RNF145: variants seen among roughly 807,000 people sequenced by gnomAD.
RNF145 encodes ring finger protein 145.
Under a neutral mutation model 57.3 loss-of-function variants are expected in RNF145, and 12 were observed. The observed-to-expected ratio is 0.21, with a 90% CI of 0.13 to 0.34. RNF145 has a LOEUF of 0.34. Among genes scored for constraint, RNF145 ranks in the 10% least tolerant of loss-of-function variants. The pLI is 1.00. For synonymous variants in RNF145, 262 were observed against 288.3 expected (o/e 0.91, Z 0.92); for missense variants, 429 against 799.0 (o/e 0.54, Z 5.58).
intron 8 of RNF145, among the ~76,000 whole-genome samples, chr5:159,166,960 A>AAAAT (rs57272070): frequency 0.018 from 2,700 of 152,054 alleles, 52 homozygotes; most frequent in East Asian, 0.06. Flanking sequence ...TCCATCTCTA[A>AAAAT]AAATAAATAA....
At position 159,161,307 on chromosome 5, in the gene RNF145, G is replaced by C. The variant is rs1401201649; in HGVS notation, c.1585C>G (p.Gln529Glu). 3.7e-6 allele frequency: 6 copies of C among 1,613,174 alleles called. No individual in the cohort carries two copies. Among genetic ancestry groups the C allele is most frequent in the Non-Finnish European group, 5.1e-6 (6 of 1,179,398 alleles). ...IKSLPIATKE[Q>E]LEKHNDICAI... The stretch of plus-strand genomic sequence containing the variant: ...CAAATATCATTGTGTTTCTCAAGCT[G>C]CTCTTTCGTAGCAATGGGTAACGAT... Residue 529 changes from glutamine to glutamate, a missense_variant, in exon 10 of 11, where the codon CAG becomes GAG. Coordinates refer to ENST00000424310, the MANE Select transcript of RNF145 (RefSeq NM_001199383.2).
At chr5:159,188,248 A>T (rs764960647) in intron 3 of RNF145, among the ~76,000 whole-genome samples, 2 of 152,002 alleles carry the variant, frequency 1.3e-5, no homozygotes, top group Admixed American at 6.6e-5. Context: ...TTAGCTGGGC[A>T]TGGTGGCAGG....
chr5:159,163,611 T>C (rs901332153), intron 8 of RNF145, among the ~76,000 whole-genome samples: 6 of 152,204 alleles, frequency 3.9e-5, no homozygotes, highest in Non-Finnish European at 8.8e-5. Flanking sequence ...AGCAACTGTA[T>C]TGTAAGATCT....
intron 3 of RNF145, among the ~76,000 whole-genome samples, chr5:159,189,867 A>G (rs1350728443): frequency 6.6e-6 from 1 of 152,248 alleles, no homozygotes; most frequent in Non-Finnish European, 1.5e-5. Flanking sequence ...CAATAAAAAA[A>G]GACAGGTGAT....
intron 3 of RNF145, among the ~76,000 whole-genome samples, chr5:159,190,016 G>A (rs1436626957): frequency 6.6e-6 from 1 of 152,146 alleles, no homozygotes; most frequent in Non-Finnish European, 1.5e-5. Context: ...CTCTGTGAAT[G>A]TACTACAAAC....
chr5:159,173,245 GT>G (rs999389193), intron 6 of RNF145, among the ~76,000 whole-genome samples: 3 of 151,182 alleles, frequency 2.0e-5, no homozygotes, highest in African/African-American at 4.9e-5. Context: ...TTTTTTGCAA[GT>G]TTTTTTTTAA....
chr5:159,169,798 A>G lies in RNF145; in HGVS notation c.819T>C (p.Thr273=). 1 of 1,610,682 alleles carries G rather than the reference A, an allele frequency of 6.2e-7. No individual in the cohort carries two copies. The highest frequency in any genetic ancestry group is 2.2e-5 in the East Asian group (1 of 44,708). Residue 273 remains threonine (T), a synonymous_variant, in exon 7 of 11, where the codon ACT becomes ACC. Transcript: ENST00000424310. ...FLTSIAECCS[T]PYSLLGLVFT... is the part of the protein sequence containing the mutation. ...AGACCAAACCCAAAAGAGAGTAAGG[A>G]GTGCTGCAGCATTCCGCAATACTGG...
At chr5:159,200,225 A>T (rs1785615381) in intron 2 of RNF145, among the ~76,000 whole-genome samples, 1 of 152,136 alleles carries the variant, frequency 6.6e-6, no homozygotes. Context: ...ATTTTGAGAC[A>T]ATTCTTAAAT....
intron 4 of RNF145, among the ~76,000 whole-genome samples, 160 bp downstream of exon 4, chr5:159,181,800 T>TA (rs1258781642): frequency 0.017 from 2,469 of 142,638 alleles, 44 homozygotes; most frequent in African/African-American, 0.05. Flanking sequence ...AAAGAAGACT[T>TA]AAAAAAAAAA....
chr5:159,177,386 A>C (rs1306430332), intron 4 of RNF145, among the ~76,000 whole-genome samples: 1 of 152,070 alleles, frequency 6.6e-6, no homozygotes, highest in Non-Finnish European at 1.5e-5. Context: ...ATAAGTTAAA[A>C]CTAAAAACTA....
intron 1 of RNF145, among the ~76,000 whole-genome samples, chr5:159,206,732 G>A (rs1003271831): frequency 1.6e-4 from 25 of 152,070 alleles, no homozygotes; most frequent in African/African-American, 1.4e-4. Context: ...AATAATCCTA[G>A]AAAATAAGCA....
chr5:159,193,890 T>C (rs915399772), intron 3 of RNF145, among the ~76,000 whole-genome samples: 5 of 152,218 alleles, frequency 3.3e-5, no homozygotes, highest in Non-Finnish European at 5.9e-5. Flanking sequence ...GTAAATGCCT[T>C]TCTATCAAAA....
intron 3 of RNF145, among the ~76,000 whole-genome samples, chr5:159,183,346 G>A (rs1393311865): frequency 3.3e-5 from 5 of 152,110 alleles, no homozygotes; most frequent in Non-Finnish European, 5.9e-5. Flanking sequence ...TCACAATTGG[G>A]GAGAGGTATT....
Position 159,169,640 on chromosome 5 carries a change from G to T in RNF145, c.938+39C>A, listed in dbSNP as rs752676809. ...TCATTACTTCCTCAAGTTATCTATAGTATTTACATTTCTAGATATAATCAA... is the reference window on the plus strand; with the variant it reads ...TCATTACTTCCTCAAGTTATCTATATTATTTACATTTCTAGATATAATCAA... On this transcript the variant is annotated intron_variant, in intron 7 of 10. Coordinates refer to ENST00000424310, the MANE Select transcript of RNF145 (RefSeq NM_001199383.2). The T allele has an allele frequency of 2.1e-6, 3 of 1,455,194 alleles. No homozygotes were observed. In the Admixed American group the frequency reaches 7.3e-5, roughly 36 times the overall value. 90.1% of individuals were successfully genotyped at this position (1,455,194 alleles called of 1,614,324 possible).
intron 8 of RNF145, among the ~76,000 whole-genome samples, chr5:159,165,075 G>A (rs1008952635): frequency 1.3e-5 from 2 of 151,830 alleles, no homozygotes; most frequent in African/African-American, 2.4e-5. Context: ...CTTGATTGAC[G>A]ATGTACTGTC....
chr5:159,192,636 C>T (rs1180067912), intron 3 of RNF145, among the ~76,000 whole-genome samples: 1 of 152,176 alleles, frequency 6.6e-6, no homozygotes, highest in Non-Finnish European at 1.5e-5. Flanking sequence ...CAAGTACTCA[C>T]TATGTCAGAA....
intron 4 of RNF145, among the ~76,000 whole-genome samples, chr5:159,181,271 C>T (rs1048935861): frequency 6.6e-6 from 1 of 151,946 alleles, no homozygotes; most frequent in Non-Finnish European, 1.5e-5. Context: ...CCCAAATGGT[C>T]CCCCAGTGAA....
chr5:159,186,228 A>C (rs906361746), intron 3 of RNF145, among the ~76,000 whole-genome samples: 1 of 152,044 alleles, frequency 6.6e-6, no homozygotes, highest in Non-Finnish European at 1.5e-5. Context: ...CTGTCTCAAA[A>C]AAGAAAGAAA....
intron 7 of RNF145, 78 bp downstream of exon 7, chr5:159,169,601 G>T: frequency 8.2e-7 from 1 of 1,224,532 alleles, no homozygotes; most frequent in Non-Finnish European, 1.1e-6. Flanking sequence ...AAATTCATCA[G>T]CCAAAGAAAT....
Sources: gnomAD v4.1 joint callset for allele counts (sites outside exome capture counted in the v4.1 genomes callset) on GRCh38, gnomAD v4.1.1 for gene constraint, MANE v1.5 for transcripts, NCBI Gene and HGNC (gene_info 2026-07-23, HGNC 2026-07-21) for gene names.